Variants in EYA3 observed in about 807,000 individuals in gnomAD.
The protein encoded by EYA3 is EYA transcriptional coactivator and phosphatase 3.
A neutral mutation model predicts 80.0 loss-of-function variants in EYA3; 39 were observed. The observed-to-expected ratio is 0.49, with a 90% CI of 0.38 to 0.64. The LOEUF (loss-of-function observed/expected upper bound fraction) is 0.64. EYA3 is among the 30% of genes least tolerant of loss of function. The probability of loss-of-function intolerance (pLI) is 0.00; values close to 1 mark genes in which losing one functional copy is unlikely to be tolerated. For missense variants in EYA3, 523 were observed against 676.1 expected, an observed-to-expected ratio of 0.77 and a Z score of 2.51; for synonymous variants, 206 against 232.8, an observed-to-expected ratio of 0.88 and a Z score of 1.05.
chr1:28,080,352 G>T (rs930146676), intron 1 of EYA3, among the ~76,000 whole-genome samples: 2 of 152,130 alleles, frequency 1.3e-5, no homozygotes, highest in Non-Finnish European at 2.9e-5. Flanking sequence ...AGCTGCTTGG[G>T]AGGCTGAGGC....
chr1:28,000,112 A>G, intron 11 of EYA3, 63 bp from the exon 12 acceptor site: 2 of 1,239,248 alleles, frequency 1.6e-6, no homozygotes, highest in Non-Finnish European at 2.3e-6. Context: ...CTAATCTTCA[A>G]ATTTCAAAAT....
At chr1:28,068,034 T>C (rs1644893886) in intron 1 of EYA3, among the ~76,000 whole-genome samples, 1 of 152,162 alleles carries the variant, frequency 6.6e-6, no homozygotes, top group Non-Finnish European at 1.5e-5. Flanking sequence ...TATGTGGAAT[T>C]GAGCATAAAA....
chr1:28,039,841 C>T (rs1301082807), intron 4 of EYA3, among the ~76,000 whole-genome samples: 3 of 152,144 alleles, frequency 2.0e-5, no homozygotes, highest in African/African-American at 7.2e-5. Context: ...ATCACATTCA[C>T]CTCTAATCAT....
chr1:28,019,706 T>C (rs2148810686), intron 7 of EYA3, among the ~76,000 whole-genome samples: 1 of 152,186 alleles, frequency 6.6e-6, no homozygotes, highest in South Asian at 2.1e-4. Context: ...CTCCATATCC[T>C]TTTTTTCTTT....
At chr1:27,985,435 AT>A (rs889841055) in intron 16 of EYA3, among the ~76,000 whole-genome samples, 2 of 152,052 alleles carry the variant, frequency 1.3e-5, no homozygotes, top group African/African-American at 4.8e-5. Context: ...CTCTTCCTTC[AT>A]TCTTTCAAGA....
At chr1:28,084,734 G>C (rs568350271) in intron 1 of EYA3, among the ~76,000 whole-genome samples, 1 of 146,660 alleles carries the variant, frequency 6.8e-6, no homozygotes, top group Non-Finnish European at 1.5e-5. Context: ...TCAGTCTCCC[G>C]AGTAGCTGGG....
At chr1:28,002,173 C>T (rs1640907875) in intron 11 of EYA3, among the ~76,000 whole-genome samples, 1 of 152,012 alleles carries the variant, frequency 6.6e-6, no homozygotes, top group Admixed American at 6.6e-5. Flanking sequence ...CCTCGGCCTC[C>T]CAAAGTGCTG....
chr1:27,988,416 G>A, intron 16 of EYA3, 119 bp downstream of exon 16: 3 of 1,112,092 alleles, frequency 2.7e-6, no homozygotes, highest in Middle Eastern at 6.1e-4. Flanking sequence ...AGACTGTTGT[G>A]AGGACTGTAG....
chr1:28,007,573 T>C (rs1483681266), intron 10 of EYA3, among the ~76,000 whole-genome samples: 2 of 151,986 alleles, frequency 1.3e-5, no homozygotes, highest in South Asian at 2.1e-4. Context: ...GACCTTGTGA[T>C]CTGCCCACCT....
At chr1:28,058,208 C>T (rs1644499744) in intron 1 of EYA3, 114 bp from the exon 2 acceptor site, 1 of 434,240 alleles carries the variant, frequency 2.3e-6, no homozygotes, top group African/African-American at 2.0e-5. Flanking sequence ...ACGTGAGTTC[C>T]AATCACAAAA....
At chr1:28,073,118 TA>T (rs1645078090) in intron 1 of EYA3, among the ~76,000 whole-genome samples, 8 of 49,700 alleles carry the variant, frequency 1.6e-4, no homozygotes, top group African/African-American at 3.1e-4. Context: ...TATATATATA[TA>T]TATATATATT....
chr1:27,986,320 G>A (rs1388643620), intron 16 of EYA3, among the ~76,000 whole-genome samples: 1 of 151,522 alleles, frequency 6.6e-6, no homozygotes, highest in East Asian at 2.0e-4. Flanking sequence ...AGCCAAGATC[G>A]CACCATTGCA....
At chr1:28,007,397 C>T (rs1479473107) in intron 10 of EYA3, among the ~76,000 whole-genome samples, 11 of 148,930 alleles carry the variant, frequency 7.4e-5, no homozygotes, top group Non-Finnish European at 1.6e-4. Context: ...TGCAGTGGTA[C>T]GATCTCGGCT....
intron 13 of EYA3, 57 bp from the exon 14 acceptor site, chr1:27,993,617 G>C (rs1640224911): frequency 6.9e-7 from 1 of 1,456,880 alleles, no homozygotes; most frequent in Admixed American, 2.7e-5. Flanking sequence ...GTTTTTGTTT[G>C]AGTGCTATTT....
chr1:28,073,798 T>C (rs1645113432), intron 1 of EYA3, among the ~76,000 whole-genome samples: 1 of 152,166 alleles, frequency 6.6e-6, no homozygotes. Flanking sequence ...GAACTGTATG[T>C]TTAAAAGAAT....
In EYA3 at chr1:27,978,610, G is replaced by C. The variant is rs1639100443; in HGVS notation, c.1541-136C>G. ...GCCCATGTAGTTTGCTTGCTGGGGAGTAGGGATGGGAGCTAGAGATCCAGT... is the reference window on the plus strand; with the variant it reads ...GCCCATGTAGTTTGCTTGCTGGGGACTAGGGATGGGAGCTAGAGATCCAGT... On this transcript the variant is annotated intron_variant, in intron 16 of 17. Coordinates refer to ENST00000373871, the MANE Select transcript of EYA3 (RefSeq NM_001990.4). 6.4e-6 allele frequency: 4 copies of C among 626,052 alleles called. No individual in the cohort carries two copies. The Admixed American group carries it at 1.1e-4, about 17-fold the overall frequency. 38.8% of individuals were successfully genotyped at this position (626,052 alleles called of 1,614,324 possible). A position where few individuals can be genotyped will look rare whatever the true frequency, so the allele number is the denominator to read the frequency against.
intron 3 of EYA3, among the ~76,000 whole-genome samples, chr1:28,043,888 C>T (rs1216269979): frequency 1.3e-5 from 2 of 152,078 alleles, no homozygotes; most frequent in Non-Finnish European, 2.9e-5. Context: ...ACGTTTGTTT[C>T]CAAGCGGGGG....
chr1:28,037,229 G>A (rs1436931468), intron 5 of EYA3, among the ~76,000 whole-genome samples: 5 of 152,152 alleles, frequency 3.3e-5, no homozygotes, highest in Admixed American at 2.6e-4. Flanking sequence ...ACTGGAAATG[G>A]AGATCCAGTT....
intron 17 of EYA3, 67 bp from the exon 18 acceptor site, chr1:27,974,613 T>A: frequency 7.3e-7 from 1 of 1,376,182 alleles, no homozygotes; most frequent in Non-Finnish European, 1.0e-6. Flanking sequence ...TATTTGCCCA[T>A]ACTCTTTCCT....
Sources: allele counts gnomAD v4.1 joint callset (sites outside exome capture counted in the v4.1 genomes callset), GRCh38; gene constraint gnomAD v4.1.1; transcripts MANE v1.5; gene names NCBI Gene and HGNC (gene_info 2026-07-23, HGNC 2026-07-21).